CACNA1C: variants seen among roughly 807,000 people sequenced by gnomAD.
CACNA1C encodes voltage-dependent L-type calcium channel subunit alpha-1C.
Under a neutral mutation model 229.0 loss-of-function variants are expected in CACNA1C, and 30 were observed. That is an observed-to-expected ratio of 0.13 (90% CI 0.10 to 0.18). CACNA1C has a LOEUF of 0.18. Ranked by LOEUF, CACNA1C falls within the 10% of genes least tolerant of loss-of-function variation. The pLI is 1.00. For synonymous variants in CACNA1C, 1,114 were observed against 1,132.5 expected (o/e 0.98, Z 0.33); for missense variants, 1,658 against 2,845.0 (o/e 0.58, Z 9.49).
intron 3 of CACNA1C, among the ~76,000 whole-genome samples, chr12:2,359,733 G>C (rs1368150207): frequency 2.0e-5 from 3 of 152,116 alleles, no homozygotes; most frequent in Non-Finnish European, 4.4e-5. Flanking sequence ...CAGAGAGGCT[G>C]ACAGGTGACC....
intron 3 of CACNA1C, among the ~76,000 whole-genome samples, chr12:2,409,753 A>C (rs2098784953): frequency 6.6e-6 from 1 of 152,186 alleles, no homozygotes; most frequent in African/African-American, 2.4e-5. Context: ...CACCCTAGCA[A>C]GGCAAGTACC....
At chr12:2,547,567 G>C (rs1208679010) in intron 9 of CACNA1C, 2 of 776,128 alleles carry the variant, frequency 2.6e-6, no homozygotes, top group African/African-American at 3.4e-5. Flanking sequence ...GCGTGTGGGT[G>C]CATACCAGAC....
intron 9 of CACNA1C, among the ~76,000 whole-genome samples, chr12:2,542,038 A>C (rs1284042371): frequency 6.6e-6 from 1 of 152,146 alleles, no homozygotes; most frequent in Non-Finnish European, 1.5e-5. Context: ...GGGAGTCAGG[A>C]TGTGGCAGGG....
intron 10 of CACNA1C, chr12:2,550,724 C>T (rs1431244832): frequency 3.2e-6 from 4 of 1,233,578 alleles, no homozygotes; most frequent in Admixed American, 4.6e-5. Context: ...TCTCCCTTCC[C>T]TCCTCGTCTG....
chr12:2,162,801 G>A (rs2095960248), intron 3 of CACNA1C, among the ~76,000 whole-genome samples: 1 of 152,124 alleles, frequency 6.6e-6, no homozygotes, highest in Non-Finnish European at 1.5e-5. Context: ...GCCCTAAACA[G>A]AGAACTTTGC....
intron 1 of CACNA1C, among the ~76,000 whole-genome samples, chr12:2,024,089 GT>G (rs1593911509): frequency 6.6e-6 from 1 of 152,178 alleles, no homozygotes; most frequent in African/African-American, 2.4e-5. Context: ...TTGAGCTTGG[GT>G]TTCCTTCTCT....
At chr12:2,263,778 T>C (rs938950820) in intron 3 of CACNA1C, among the ~76,000 whole-genome samples, 3 of 151,942 alleles carry the variant, frequency 2.0e-5, no homozygotes, top group African/African-American at 7.3e-5. Flanking sequence ...GTCACCATGA[T>C]CCGAGATGGG....
At chr12:2,528,884 G>A (rs1032544361) in intron 9 of CACNA1C, among the ~76,000 whole-genome samples, 4 of 152,188 alleles carry the variant, frequency 2.6e-5, no homozygotes, top group Non-Finnish European at 4.4e-5. Flanking sequence ...GAGGATGGAT[G>A]TTTGGGCCCT....
Position 2,668,926 on chromosome 12 carries a change from C to G in CACNA1C, c.4624-7C>G. ...TCATCACCAGCTTTGCTTCTCTTCG[C>G]CTGCAGCGCCTGGTCTCCATGAACA... On this transcript the variant is annotated splice_polypyrimidine_tract_variant and splice_region_variant and intron_variant, in intron 37 of 46. Coordinates refer to ENST00000399655, the MANE Select transcript of CACNA1C (RefSeq NM_000719.7). 6.2e-7 allele frequency: 1 copy of G among 1,608,346 alleles called. No individual in the cohort carries two copies. The highest frequency in any genetic ancestry group is 1.1e-5 in the South Asian group (1 of 90,960).
chr12:2,177,973 C>T (rs2096719658), intron 3 of CACNA1C, among the ~76,000 whole-genome samples: 1 of 152,110 alleles, frequency 6.6e-6, no homozygotes, highest in Non-Finnish European at 1.5e-5. Context: ...CTGAGATTCC[C>T]ACAAGCCTAG....
chr12:2,160,278 T>C (rs915537832), intron 3 of CACNA1C, among the ~76,000 whole-genome samples: 1 of 152,240 alleles, frequency 6.6e-6, no homozygotes, highest in Non-Finnish European at 1.5e-5. Flanking sequence ...CACAGTTGAC[T>C]GTTTATTTGC....
At chr12:2,171,193 G>C (rs762816808) in intron 3 of CACNA1C, among the ~76,000 whole-genome samples, 1 of 152,226 alleles carries the variant, frequency 6.6e-6, no homozygotes, top group Non-Finnish European at 1.5e-5. Context: ...CTGTCAGGGC[G>C]ATACAGTCTG....
chr12:2,240,585 A>G lies in CACNA1C; in HGVS notation c.477+120155A>G, dbSNP rs544332078. Among the ~76,000 whole-genome samples the G allele has an allele frequency of 3.3e-3, 510 of 152,302 alleles. 1 individual carries two copies. Among genetic ancestry groups the G allele is most frequent in the African/African-American group, 0.011 (471 of 41,572 alleles). ...CTGGAAGGACTCCTGGAGGGGTGAG[A>G]CATTTCATAAGATCTGGGAGGCCAG... is the stretch of plus-strand genomic sequence containing the variant. On this transcript the variant is annotated intron_variant, in intron 3 of 46. Coordinates refer to ENST00000399655, the MANE Select transcript of CACNA1C (RefSeq NM_000719.7).
intron 1 of CACNA1C, among the ~76,000 whole-genome samples, chr12:2,106,781 G>T (rs374255706): frequency 9.1e-6 from 1 of 110,404 alleles, no homozygotes; most frequent in African/African-American, 3.9e-5. Flanking sequence ...TCAGCTGGGC[G>T]TCCTGAAGCC....
At chr12:2,387,503 A>C (rs1325724617) in intron 3 of CACNA1C, among the ~76,000 whole-genome samples, 1 of 148,822 alleles carries the variant, frequency 6.7e-6, no homozygotes, top group Non-Finnish European at 1.5e-5. Flanking sequence ...AGAAAGAAAG[A>C]AAGAAAGCAA....
chr12:2,364,587 A>G (rs2097672092), intron 3 of CACNA1C, among the ~76,000 whole-genome samples: 1 of 152,236 alleles, frequency 6.6e-6, no homozygotes. Flanking sequence ...TCACTCGGCT[A>G]AAAGCAGAAC....
chr12:2,330,042 C>A (rs1422935590), intron 3 of CACNA1C, among the ~76,000 whole-genome samples: 3 of 152,236 alleles, frequency 2.0e-5, no homozygotes, highest in Admixed American at 2.0e-4. Flanking sequence ...AAGAAGGCCA[C>A]AGGAACTAAG....
At chr12:2,254,349 C>T (rs1359022460) in intron 3 of CACNA1C, among the ~76,000 whole-genome samples, 1 of 152,168 alleles carries the variant, frequency 6.6e-6, no homozygotes, top group Non-Finnish European at 1.5e-5. Flanking sequence ...TTCTCAACCG[C>T]CAGTTGTCTG....
chr12:2,542,181 C>T (rs2099872180), intron 9 of CACNA1C, among the ~76,000 whole-genome samples: 1 of 152,196 alleles, frequency 6.6e-6, no homozygotes, highest in Non-Finnish European at 1.5e-5. Flanking sequence ...ACTCTCAATC[C>T]TTTGCCAAAA....
Sources: gnomAD v4.1 joint callset for allele counts (sites outside exome capture counted in the v4.1 genomes callset) on GRCh38, gnomAD v4.1.1 for gene constraint, MANE v1.5 for transcripts, NCBI Gene and HGNC (gene_info 2026-07-23, HGNC 2026-07-21) for gene names.